The following MDN1 variants were observed in gnomAD, a reference collection of about 807,000 sequenced individuals.
The protein encoded by MDN1 is midasin AAA ATPase 1.
Under a neutral mutation model 669.2 loss-of-function variants are expected in MDN1, and 266 were observed. That is an observed-to-expected ratio of 0.40 (90% CI 0.36 to 0.44). The LOEUF is 0.44. MDN1 is among the 20% of genes least tolerant of loss of function. The pLI is 1.00. For synonymous variants in MDN1, 2,385 were observed against 2,457.1 expected, an observed-to-expected ratio of 0.97 and a Z score of 0.87; for missense variants, 5,940 against 6,754.0, an observed-to-expected ratio of 0.88 and a Z score of 4.22.
chr6:89,667,887 A>G, intron 84 of MDN1, 127 bp downstream of exon 84: 1 of 1,211,462 alleles, frequency 8.3e-7, no homozygotes, highest in South Asian at 1.9e-5. Flanking sequence ...GCACCAATAT[A>G]TCTAGGGCTC....
At chr6:89,770,176 T>A (rs1395142970) in intron 15 of MDN1, among the ~76,000 whole-genome samples, 1 of 151,822 alleles carries the variant, frequency 6.6e-6, no homozygotes, top group Non-Finnish European at 1.5e-5. Flanking sequence ...GAGGCCGAGG[T>A]AGGTGGATCA....
Position 89,662,107 on chromosome 6 carries a change from T to A in MDN1, c.14545A>T (p.Ile4849Phe). Residue 4849 changes from isoleucine (I) to phenylalanine (F), a missense_variant, in exon 87 of 102, where the codon ATT becomes TTT. Around this residue, in one of 5 missense-constraint regions of MDN1, gnomAD observed 2,280 missense variants for 2,576.3 expected, o/e 0.88. Coordinates refer to ENST00000369393, the MANE Select transcript of MDN1 (RefSeq NM_014611.3). ...ATTACCTCATCTATTTGTTCATTAATTTTGTCTTCACCTTGTCCACCATCA... is the reference window on the plus strand; with the variant it reads ...ATTACCTCATCTATTTGTTCATTAAATTTGTCTTCACCTTGTCCACCATCA... ...ADDGGQGEDKINEQIDERDYD... is the reference protein window; with the variant it reads ...ADDGGQGEDKFNEQIDERDYD... The A allele has an allele frequency of 6.2e-7, 1 of 1,612,184 alleles. No homozygotes were observed. The highest frequency in any genetic ancestry group is 8.5e-7 in the Non-Finnish European group (1 of 1,179,550).
Position 89,762,461 on chromosome 6 carries a change from C to T in MDN1, c.2214G>A (p.Gln738=). ...LREAFEELFA[Q]TFSKKQNFTF... ...TAAAGTTTTGTTTCTTGGAAAATGT[C>T]TGAGCAAAGAGTTCCTCAAATGCCT... The change falls in exon 16 of 102, where the codon CAG becomes CAA. Residue 738 remains glutamine (Q), a synonymous_variant. Coordinates refer to ENST00000369393, the MANE Select transcript of MDN1 (RefSeq NM_014611.3). The T allele has an allele frequency of 1.9e-6, 3 of 1,614,124 alleles. No individual in the cohort carries two copies. The highest frequency in any genetic ancestry group is 2.5e-6 in the Non-Finnish European group (3 of 1,180,000).
chr6:89,718,281 C>A (rs1379610048), intron 43 of MDN1, 85 bp downstream of exon 43: 1 of 1,389,334 alleles, frequency 7.2e-7, no homozygotes, highest in Non-Finnish European at 9.8e-7. Flanking sequence ...TAAATTAATA[C>A]AAAACATTTG....
intron 86 of MDN1, 57 bp downstream of exon 86, chr6:89,662,735 T>C (rs1809889230): frequency 6.4e-7 from 1 of 1,561,202 alleles, no homozygotes. Context: ...GAATGGTAGG[T>C]TGTGGGCAGA....
chr6:89,732,007 T>C (rs561402570), intron 34 of MDN1, among the ~76,000 whole-genome samples: 3 of 151,830 alleles, frequency 2.0e-5, no homozygotes, highest in African/African-American at 7.2e-5. Flanking sequence ...TTCAAATGTC[T>C]AGCCAACCAA....
rs553301088 is a variant in MDN1, at chr6:89,651,692, T to C, written c.15915+500A>G. The stretch of plus-strand genomic sequence containing the variant: ...ACTCAACACAAAGCCCCATGATTTT[T>C]CTGCCAACTATGGCAGAGCACTGAA... On this transcript the variant is annotated intron_variant, in intron 95 of 101. Transcript: ENST00000369393. Among the ~76,000 whole-genome samples, 231 of 152,250 alleles carry C rather than the reference T, an allele frequency of 1.5e-3. 2 individuals are homozygous for C. The highest frequency in any genetic ancestry group is 1.7e-3 in the Non-Finnish European group (114 of 68,042).
chr6:89,694,830 G>C (rs1319399892), intron 61 of MDN1, among the ~76,000 whole-genome samples: 1 of 151,802 alleles, frequency 6.6e-6, no homozygotes, highest in African/African-American at 2.4e-5. Context: ...TGAGATTACA[G>C]GGTGAGGCCA....
rs1816931741 is a variant in MDN1, at chr6:89,751,269, T to C, written c.3227+162A>G. 5.7e-6 allele frequency: 5 copies of C among 873,076 alleles called. No homozygotes were observed. In the Admixed American group the frequency reaches 1.3e-4, roughly 22 times the overall value. 54.1% of individuals were successfully genotyped at this position (873,076 alleles called of 1,614,324 possible). A position where few individuals can be genotyped will look rare whatever the true frequency, so the allele number is the denominator to read the frequency against. The stretch of plus-strand genomic sequence containing the variant: ...AAAGTTGCACAACTAGAAACAAAGT[T>C]TTCTACCAGGAAAAAGTTATAGTAC... On this transcript the variant is annotated intron_variant, in intron 23 of 101. Transcript: ENST00000369393.
rs1283491257 is a variant in MDN1 at position 89,731,807 on chromosome 6, C to T, written c.4942+750G>A. Among the ~76,000 whole-genome samples the T allele has an allele frequency of 3.4e-5, 5 of 147,372 alleles. No individual in the cohort carries two copies. In the East Asian group the frequency reaches 1.0e-3, roughly 30 times the overall value. On this transcript the variant is annotated intron_variant, in intron 34 of 101. Coordinates refer to ENST00000369393, the MANE Select transcript of MDN1 (RefSeq NM_014611.3). Reference sequence around the variant, plus strand: ...TTTAATTCATAGTACCGCCCCCCCCCCCCACCTTTTCCTTTTTCTCCTTTT... The same window carrying T: ...TTTAATTCATAGTACCGCCCCCCCCTCCCACCTTTTCCTTTTTCTCCTTTT...
chr6:89,803,488 A>G lies in MDN1; in HGVS notation c.169T>C (p.Cys57Arg), dbSNP rs1435085292. ...AGCTGGCGACCAACCAGCACAGTAC[A>G]GTCCTTATCCAAAAGCAACTGTGCT... ...TLAQLLLDKD[C>R]TVLVGRQLRP... is the part of the protein sequence containing the mutation. The change falls in exon 2 of 102, where the codon TGT becomes CGT. Residue 57 changes from cysteine (C) to arginine (R), a missense_variant. Cys to Arg is a radical substitution (Grantham distance 180). Around this residue, in one of 5 missense-constraint regions of MDN1, gnomAD observed 1,203 missense variants for 1,268.9 expected, o/e 0.95. Transcript: ENST00000369393. 3 of 1,614,154 alleles carry G rather than the reference A, an allele frequency of 1.9e-6. No homozygotes were observed. Among genetic ancestry groups the G allele is most frequent in the Non-Finnish European group, 2.5e-6 (3 of 1,180,032 alleles).
intron 18 of MDN1, 136 bp downstream of exon 18, chr6:89,758,680 A>C (rs1382791658): frequency 1.1e-6 from 1 of 947,590 alleles, no homozygotes; most frequent in Non-Finnish European, 1.6e-6. Context: ...ACTTTGCAGA[A>C]AATTAATATC....
chr6:89,757,115 T>C (rs1374814015), intron 19 of MDN1, among the ~76,000 whole-genome samples: 2 of 152,180 alleles, frequency 1.3e-5, no homozygotes, highest in East Asian at 3.8e-4. Flanking sequence ...TATTGCTTTA[T>C]AATGAAGAGA....
rs754835482 is a variant in MDN1, at chr6:89,749,281, C to T, written c.3704G>A (p.Arg1235Gln). 7.4e-6 allele frequency: 12 copies of T among 1,613,886 alleles called. No homozygotes were observed. Among genetic ancestry groups the T allele is most frequent in the Admixed American group, 6.7e-5 (4 of 59,974 alleles). The stretch of plus-strand genomic sequence containing the variant: ...GCAATAGGAGGGTGGCAAACTACAC[C>T]GCTTGTGCAAGATTGTTTCCAACTC... ...SSELETILHK[R>Q]CSLPPSYCSK... The change falls in exon 26 of 102, where the codon CGG becomes CAG. Residue 1235 changes from arginine to glutamine, a missense_variant. By Grantham distance (43) the Arg-to-Gln change is conservative (BLOSUM62 1). Transcript: ENST00000369393.
At chr6:89,778,665 A>C (rs1818471837) in intron 11 of MDN1, among the ~76,000 whole-genome samples, 1 of 151,816 alleles carries the variant, frequency 6.6e-6, no homozygotes, top group African/African-American at 2.4e-5. Context: ...TGGGTGGATC[A>C]CGAGGTCAGG....
intron 76 of MDN1, among the ~76,000 whole-genome samples, chr6:89,677,286 GT>G (rs1417183868): frequency 6.6e-6 from 1 of 151,946 alleles, no homozygotes; most frequent in Non-Finnish European, 1.5e-5. Context: ...TAGACACAGG[GT>G]TTTGCCATGT....
chr6:89,692,602 G>A lies in MDN1; in HGVS notation c.10428C>T (p.Leu3476=), dbSNP rs1812446715. ...CCAGCTCCTTTCCTCCTGAGCGCTT[G>A]AGGATTAGCTTCCCAAGGCCTCGTA... The part of the protein sequence containing the change: ...EVLRGLGKLI[L]KRSGGKELEG... Residue 3476 remains leucine (L), a synonymous_variant, in exon 63 of 102, where the codon CTC becomes CTT. Transcript: ENST00000369393. 7 of 1,614,224 alleles carry A rather than the reference G, an allele frequency of 4.3e-6. No homozygotes were observed. Among genetic ancestry groups the A allele is most frequent in the Non-Finnish European group, 5.9e-6 (7 of 1,180,034 alleles).
chr6:89,774,136 A>T (rs771815688), intron 13 of MDN1, among the ~76,000 whole-genome samples: 27 of 152,114 alleles, frequency 1.8e-4, no homozygotes, highest in Non-Finnish European at 7.3e-5. Context: ...AAAACCACCA[A>T]GTTTATGGTA....
In MDN1 at chr6:89,699,684, G is replaced by T; in HGVS notation, c.8914C>A (p.His2972Asn). Residue 2972 changes from histidine to asparagine, a missense_variant, in exon 58 of 102, where the codon CAC becomes AAC. His to Asn is a moderately conservative substitution (Grantham distance 68). Transcript: ENST00000369393. ...TGATAAAGACAAAATGAGATGAGGT[G>T]ACTTATCTCCTCATTTATCTGGGGT... ...QQPQINEEISHLISFCLYHTP... is the reference protein window; with the variant it reads ...QQPQINEEISNLISFCLYHTP... 5 of 1,613,748 alleles carry T rather than the reference G, an allele frequency of 3.1e-6. No individual in the cohort carries two copies. Among genetic ancestry groups the T allele is most frequent in the Non-Finnish European group, 3.4e-6 (4 of 1,179,804 alleles).
Sources: allele counts gnomAD v4.1 joint callset (sites outside exome capture counted in the v4.1 genomes callset), GRCh38; gene constraint gnomAD v4.1.1; regional missense constraint gnomAD v4.1.1; transcripts MANE v1.5; gene names NCBI Gene and HGNC (gene_info 2026-07-23, HGNC 2026-07-21).